GRIK4: variants seen among roughly 807,000 people sequenced by gnomAD.
The protein encoded by GRIK4 is glutamate ionotropic receptor kainate type subunit 4.
Under a neutral mutation model 104.9 loss-of-function variants are expected in GRIK4, and 40 were observed. The observed-to-expected ratio is 0.38, with a 90% CI of 0.30 to 0.50. The LOEUF (loss-of-function observed/expected upper bound fraction) is 0.50. GRIK4 is among the 20% of genes least tolerant of loss of function. GRIK4 has a pLI of 0.93. For missense variants in GRIK4, 1,047 were observed against 1,308.1 expected (o/e 0.80, Z 3.08); for synonymous variants, 485 against 524.9 (o/e 0.92, Z 1.04).
intron 1 of GRIK4, among the ~76,000 whole-genome samples, chr11:120,520,036 G>A (rs900823223): frequency 1.8e-4 from 27 of 151,894 alleles, no homozygotes; most frequent in African/African-American, 6.5e-4. Flanking sequence ...GGGATTCTAG[G>A]TGCCCACCAC....
At chr11:120,772,642 C>CT (rs1182129193) in intron 3 of GRIK4, among the ~76,000 whole-genome samples, 1 of 150,836 alleles carries the variant, frequency 6.6e-6, no homozygotes, top group Non-Finnish European at 1.5e-5. Flanking sequence ...GGTGTATGTG[C>CT]GCGCGTGTGT....
intron 3 of GRIK4, among the ~76,000 whole-genome samples, chr11:120,791,618 T>G (rs1952395879): frequency 6.6e-6 from 1 of 152,184 alleles, no homozygotes; most frequent in South Asian, 2.1e-4. Context: ...GACGTCTACT[T>G]TACCAATTGT....
chr11:120,789,660 A>G (rs1353003765), intron 3 of GRIK4, among the ~76,000 whole-genome samples: 1 of 152,040 alleles, frequency 6.6e-6, no homozygotes, highest in Non-Finnish European at 1.5e-5. Context: ...TCAGGCCTCC[A>G]TCCCAGTTCA....
intron 1 of GRIK4, among the ~76,000 whole-genome samples, chr11:120,589,818 C>G (rs1948713554): frequency 6.6e-6 from 1 of 152,166 alleles, no homozygotes; most frequent in African/African-American, 2.4e-5. Flanking sequence ...GCCAAAAAGG[C>G]CAGAGGGACA....
At chr11:120,764,922 C>A (rs569608546) in intron 3 of GRIK4, among the ~76,000 whole-genome samples, 1 of 152,004 alleles carries the variant, frequency 6.6e-6, no homozygotes, top group Non-Finnish European at 1.5e-5. Context: ...GTAAATCTGA[C>A]GATTATGTGT....
intron 3 of GRIK4, among the ~76,000 whole-genome samples, chr11:120,771,721 T>C (rs1209513813): frequency 6.6e-6 from 1 of 152,152 alleles, no homozygotes; most frequent in Non-Finnish European, 1.5e-5. Flanking sequence ...CCATAAGACA[T>C]TTCAGGGATC....
At chr11:120,816,062 C>T (rs1952949541) in intron 5 of GRIK4, among the ~76,000 whole-genome samples, 2 of 152,130 alleles carry the variant, frequency 1.3e-5, no homozygotes, top group African/African-American at 4.8e-5. Flanking sequence ...GAACTGGAGG[C>T]TCTCCAGTTT....
At chr11:120,656,187 C>A (rs971880473) in intron 2 of GRIK4, among the ~76,000 whole-genome samples, 1 of 152,098 alleles carries the variant, frequency 6.6e-6, no homozygotes, top group Non-Finnish European at 1.5e-5. Context: ...AAAAGAAGAC[C>A]CCAAATGTCT....
chr11:120,974,801 C>A (rs1944534369), intron 19 of GRIK4, among the ~76,000 whole-genome samples: 1 of 152,214 alleles, frequency 6.6e-6, no homozygotes, highest in African/African-American at 2.4e-5. Context: ...AACGGCAGAT[C>A]CTGTGGAAAA....
chr11:120,559,351 A>G (rs1948216959), intron 1 of GRIK4, among the ~76,000 whole-genome samples: 1 of 152,062 alleles, frequency 6.6e-6, no homozygotes, highest in African/African-American at 2.4e-5. Context: ...TTGGGTGCTT[A>G]CCCATGCTGG....
intron 3 of GRIK4, among the ~76,000 whole-genome samples, chr11:120,742,652 A>G (rs1317294380): frequency 6.6e-6 from 1 of 152,162 alleles, no homozygotes; most frequent in Non-Finnish European, 1.5e-5. Flanking sequence ...GGGAACACTT[A>G]TATACCGTTA....
intron 1 of GRIK4, among the ~76,000 whole-genome samples, chr11:120,591,835 T>C (rs941711816): frequency 1.3e-5 from 2 of 150,190 alleles, no homozygotes; most frequent in Admixed American, 1.3e-4. Flanking sequence ...CCTGCATCCC[T>C]CCTCCTCTTC....
At chr11:120,689,912 C>G (rs528685636) in intron 3 of GRIK4, among the ~76,000 whole-genome samples, 1 of 152,308 alleles carries the variant, frequency 6.6e-6, no homozygotes, top group Admixed American at 6.5e-5. Context: ...CTTGTGCATT[C>G]CTGGTGCTCG....
intron 1 of GRIK4, among the ~76,000 whole-genome samples, chr11:120,520,915 C>G (rs1213452328): frequency 6.6e-6 from 1 of 152,092 alleles, no homozygotes; most frequent in South Asian, 2.1e-4. Context: ...TGGAACATCT[C>G]TCTTTTTGGA....
At chr11:120,636,874 C>T (rs1949403243) in intron 1 of GRIK4, among the ~76,000 whole-genome samples, 1 of 151,998 alleles carries the variant, frequency 6.6e-6, no homozygotes, top group African/African-American at 2.4e-5. Context: ...GTTCTACTCT[C>T]TGGGCTCTGG....
intron 9 of GRIK4, chr11:120,872,209 T>C: frequency 3.2e-6 from 1 of 308,638 alleles, no homozygotes; most frequent in Non-Finnish European, 6.4e-6. Flanking sequence ...GCTTCTCTTT[T>C]ACAGGTAACA....
At chr11:120,697,312 T>C (rs1310797088) in intron 3 of GRIK4, among the ~76,000 whole-genome samples, 1 of 152,214 alleles carries the variant, frequency 6.6e-6, no homozygotes, top group Non-Finnish European at 1.5e-5. Context: ...GTTTGCTAAG[T>C]CTGACCTATA....
At position 120,986,018 on chromosome 11, in the gene GRIK4, G is replaced by A. The variant is rs753094047; in HGVS notation, c.2629G>A (p.Glu877Lys). The change falls in exon 21 of 21, where the codon GAG (glutamate) becomes AAG (lysine). Residue 877 changes from glutamate to lysine, a missense_variant. Transcript: ENST00000527524. ...AVPPPRPPIP[E>K]ERRPRGTATL... ...CCCGCCGCCCCGGCCCCCCATCCCC[G>A]AGGAGCGCCGACCGCGGGGCACGGC... 21 of 1,526,652 alleles carry A rather than the reference G, an allele frequency of 1.4e-5. No homozygotes were observed. In the South Asian group the frequency reaches 1.7e-4, roughly 12 times the overall value. The allele number at this position is 1,526,652 out of a possible 1,614,324, so 94.6% of individuals were successfully genotyped here.
chr11:120,531,528 G>A (rs998289138), intron 1 of GRIK4, among the ~76,000 whole-genome samples: 3 of 152,126 alleles, frequency 2.0e-5, no homozygotes, highest in African/African-American at 7.2e-5. Context: ...GCAGTGAGGG[G>A]TCTGCCCAAG....
Sources: gnomAD v4.1 joint callset for allele counts (sites outside exome capture counted in the v4.1 genomes callset) on GRCh38, gnomAD v4.1.1 for gene constraint, MANE v1.5 for transcripts, NCBI Gene and HGNC (gene_info 2026-07-23, HGNC 2026-07-21) for gene names.